The following UNC79 variants were observed in gnomAD, a reference collection of about 807,000 sequenced individuals.
UNC79 encodes protein unc-79 homolog.
Under a neutral mutation model 283.1 loss-of-function variants are expected in UNC79, and 37 were observed. That is an observed-to-expected ratio of 0.13 (90% CI 0.10 to 0.17). The LOEUF (loss-of-function observed/expected upper bound fraction) is 0.17, where lower values mean the gene tolerates loss of function less well. UNC79 is among the 10% of genes least tolerant of loss of function. The pLI, the probability that UNC79 is intolerant of heterozygous loss-of-function variation, is 1.00. For missense variants in UNC79, 2,272 were observed against 3,211.1 expected (o/e 0.71, Z 7.07); for synonymous variants, 1,107 against 1,200.2 (o/e 0.92, Z 1.61).
rs1178013497 is a variant in UNC79, at chr14:93,334,832, CGTATATA to C, written c.-351+1316_-351+1322del. ...GTGGTGGGTCCTGGAACCAATCCCA[CGTATATA>C]GTATATGGGGGATGACTGTATTGCA... On this transcript the variant is annotated intron_variant, in intron 1 of 49. Transcript: ENST00000256339. 17 of 152,168 alleles carry C rather than the reference CGTATATA, an allele frequency of 1.1e-4. 1 individual carries two copies. The highest frequency in any genetic ancestry group is 3.4e-4 in the African/African-American group (14 of 41,518). The allele number at this position is 152,168 out of a possible 1,614,324, so 9.4% of individuals were successfully genotyped here.
At chr14:93,572,739 G>A in exon 16 of UNC79, 1 of 1,614,150 alleles carries the variant, frequency 6.2e-7, no homozygotes, top group Non-Finnish European at 8.5e-7. Flanking sequence ...CTCAATGGAG[G>A]AGATGTTTGG....
Position 93,593,979 on chromosome 14 carries a change from G to C in UNC79, c.3190+142G>C, listed in dbSNP as rs901440226. 5.3e-6 allele frequency: 5 copies of C among 938,160 alleles called. No individual in the cohort carries two copies. In the African/African-American group the frequency reaches 8.5e-5, roughly 16 times the overall value. 58.1% of individuals were successfully genotyped at this position (938,160 alleles called of 1,614,324 possible). A position where few individuals can be genotyped will look rare whatever the true frequency, so the allele number is the denominator to read the frequency against. ...CTGGCTGGTGTCCTTTGGGGGTTCT[G>C]CTTTGAGCTTCCTCTCTAAAATAAC... On this transcript the variant is annotated intron_variant, in intron 23 of 48. Transcript: ENST00000555664.
chr14:93,416,760 C>G (rs1423064603), intron 1 of UNC79, among the ~76,000 whole-genome samples: 1 of 152,074 alleles, frequency 6.6e-6, no homozygotes, highest in East Asian at 1.9e-4. Flanking sequence ...GAATTGATCC[C>G]TTTACCATTA....
chr14:93,657,983 A>G (rs1320259804), intron 38 of UNC79, among the ~76,000 whole-genome samples: 1 of 152,012 alleles, frequency 6.6e-6, no homozygotes, highest in Admixed American at 6.6e-5. Context: ...TTAAATCACT[A>G]TGGGGGCCTG....
rs2060886650 is a variant in UNC79 at position 93,532,693 on chromosome 14, G to C, written c.1122+115G>C. 2.3e-5 allele frequency: 29 copies of C among 1,264,732 alleles called. 1 individual carries two copies. In the South Asian group the frequency reaches 4.1e-4, roughly 18 times the overall value. 78.3% of individuals were successfully genotyped at this position (1,264,732 alleles called of 1,614,324 possible). On this transcript the variant is annotated intron_variant, in intron 11 of 48. Coordinates refer to ENST00000555664, the Ensembl canonical transcript of UNC79. ...TGGTTTCCAGTATATGCATGCCATT[G>C]TATTTGTGGAGGGGTAAAGGAAATA... is the stretch of plus-strand genomic sequence containing the variant.
intron 1 of UNC79, among the ~76,000 whole-genome samples, chr14:93,416,956 G>A (rs1201544290): frequency 2.0e-5 from 3 of 152,162 alleles, no homozygotes; most frequent in African/African-American, 7.2e-5. Context: ...GCACACTGAT[G>A]GGTCTTGACC....
chr14:93,479,220 CTTCCTTCCT>C lies in UNC79; in HGVS notation c.619+1503_619+1511del, dbSNP rs1269552575. ...CCTTCCTTCCTTCCTTCCTTCCTTCCTTCCTTCCTTTCCTTCCTTCCTCCTTCCCTCCCT... is the reference window on the plus strand; with the variant it reads ...CCTTCCTTCCTTCCTTCCTTCCTTCCTTCCTTCCTTCCTCCTTCCCTCCCT... On this transcript the variant is annotated intron_variant, in intron 4 of 48. Coordinates refer to ENST00000555664, the Ensembl canonical transcript of UNC79. 2.3e-4 allele frequency among the ~76,000 whole-genome samples: 33 copies of C among 146,400 alleles called. 1 individual carries two copies. Among genetic ancestry groups the C allele is most frequent in the African/African-American group, 6.8e-4 (27 of 39,450 alleles).
At chr14:93,580,411 A>T in intron 19 of UNC79, 35 bp downstream of exon 19, 3 of 1,593,406 alleles carry the variant, frequency 1.9e-6, no homozygotes, top group Non-Finnish European at 2.6e-6. Context: ...ACCCATGTAT[A>T]ATAGCATTAA....
chr14:93,573,754 C>T (rs1386489168), intron 16 of UNC79, among the ~76,000 whole-genome samples: 1 of 152,200 alleles, frequency 6.6e-6, no homozygotes, highest in Admixed American at 6.5e-5. Flanking sequence ...CACCTGTAAT[C>T]CCAGAACTTT....
chr14:93,558,593 A>ATTTTTTTTTTT (rs71129647), intron 14 of UNC79, among the ~76,000 whole-genome samples: 4 of 62,776 alleles, frequency 6.4e-5, no homozygotes, highest in East Asian at 4.7e-4. Flanking sequence ...AGAAACAGGG[A>ATTTTTTTTTTT]TTTTTTTTTT....
intron 1 of UNC79, among the ~76,000 whole-genome samples, chr14:93,431,864 T>C (rs988175544): frequency 6.6e-6 from 1 of 152,200 alleles, no homozygotes; most frequent in Non-Finnish European, 1.5e-5. Flanking sequence ...TGCGCACTAG[T>C]AGGCCTTCGG....
In UNC79 at chr14:93,621,986, T is replaced by C. The variant is rs1371936409; in HGVS notation, c.4753T>C (p.Cys1585Arg). The change falls in exon 30 of 49, where the codon TGT (cysteine) becomes CGT (arginine). Residue 1585 changes from cysteine (C) to arginine (R), a missense_variant. This residue lies in a region of UNC79 where 580 missense variants were observed against 632.2 expected (regional missense o/e 0.92). Coordinates refer to ENST00000555664, the Ensembl canonical transcript of UNC79. The surrounding 1 kb of genome is among the most constrained non-coding windows in gnomAD (Gnocchi z 4.8). Reference sequence around the variant, plus strand: ...TGTCATACCAGAGGTTAGGTTAAACTGTATGGAGACTTTCGAGGTGAAAGT... The same window carrying C: ...TGTCATACCAGAGGTTAGGTTAAACCGTATGGAGACTTTCGAGGTGAAAGT... 2 of 1,614,060 alleles carry C rather than the reference T, an allele frequency of 1.2e-6. No homozygotes were observed. Among genetic ancestry groups the C allele is most frequent in the Non-Finnish European group, 1.7e-6 (2 of 1,180,006 alleles).
chr14:93,638,256 T>G (rs2068686022), intron 32 of UNC79, among the ~76,000 whole-genome samples: 1 of 152,242 alleles, frequency 6.6e-6, no homozygotes, highest in Non-Finnish European at 1.5e-5. Flanking sequence ...GCTATTGATC[T>G]CCAGCTTTTG....
At chr14:93,476,439 G>C (rs1306983239) in intron 3 of UNC79, among the ~76,000 whole-genome samples, 1 of 152,168 alleles carries the variant, frequency 6.6e-6, no homozygotes, top group Non-Finnish European at 1.5e-5. Flanking sequence ...TTAATTCTTA[G>C]TAAAACACCT....
At chr14:93,491,385 A>G (rs1003151638) in intron 5 of UNC79, among the ~76,000 whole-genome samples, 1 of 152,068 alleles carries the variant, frequency 6.6e-6, no homozygotes, top group Non-Finnish European at 1.5e-5. Flanking sequence ...ATTATATATT[A>G]TGTCCTTAAT....
chr14:93,683,270 G>A (rs1158724941), intron 42 of UNC79, among the ~76,000 whole-genome samples: 32 of 152,138 alleles, frequency 2.1e-4, no homozygotes, highest in Admixed American at 2.1e-3. Context: ...GGGAAAGGGG[G>A]ATTTCCACGT....
chr14:93,507,350 A>G (rs2059597988), intron 7 of UNC79, among the ~76,000 whole-genome samples: 1 of 152,196 alleles, frequency 6.6e-6, no homozygotes, highest in Non-Finnish European at 1.5e-5. Flanking sequence ...TCATCCAACA[A>G]TTTATGAGAG....
intron 7 of UNC79, among the ~76,000 whole-genome samples, chr14:93,503,560 T>G (rs2059395603): frequency 6.6e-6 from 1 of 152,062 alleles, no homozygotes; most frequent in Non-Finnish European, 1.5e-5. Context: ...ACATTTTGGT[T>G]ATTATTTGTT....
intron 1 of UNC79, among the ~76,000 whole-genome samples, chr14:93,444,359 A>C (rs528901091): frequency 7.9e-5 from 12 of 152,170 alleles, no homozygotes; most frequent in Non-Finnish European, 1.3e-4. Flanking sequence ...GTTTTGAAAC[A>C]TTTTGCTTCC....
Sources: gnomAD v4.1 joint callset for allele counts (sites outside exome capture counted in the v4.1 genomes callset) on GRCh38, gnomAD v4.1.1 for gene constraint, gnomAD v4.1.1 regional missense constraint, Gnocchi (gnomAD v3.1) non-coding constraint, MANE v1.5 for transcripts, NCBI Gene and HGNC (gene_info 2026-07-23, HGNC 2026-07-21) for gene names.